EYS: variants seen among roughly 807,000 people sequenced by gnomAD.
EYS encodes protein eyes shut homolog.
EYS carries 250 observed loss-of-function variants against 282.1 expected under a neutral mutation model. That is an observed-to-expected ratio of 0.89 (90% CI 0.80 to 0.98). The LOEUF (loss-of-function observed/expected upper bound fraction) is 0.98, where lower values mean the gene tolerates loss of function less well. Ranked by LOEUF, EYS falls within the 50% of genes least tolerant of loss-of-function variation. EYS has a pLI of 0.00. For synonymous variants in EYS, 1,355 were observed against 1,282.9 expected, an observed-to-expected ratio of 1.06 and a Z score of -1.20; for missense variants, 4,016 against 3,709.0, an observed-to-expected ratio of 1.08 and a Z score of -2.15.
intron 1 of EYS, among the ~76,000 whole-genome samples, chr6:65,702,150 G>A (rs926114114): frequency 6.6e-6 from 1 of 152,152 alleles, no homozygotes; most frequent in Non-Finnish European, 1.5e-5. Flanking sequence ...GTGTTTTGGA[G>A]AGAATATTTC....
chr6:64,194,739 T>A (rs4519996), intron 31 of EYS, among the ~76,000 whole-genome samples: 1 of 152,064 alleles, frequency 6.6e-6, no homozygotes, highest in Non-Finnish European at 1.5e-5. Context: ...ATATATATAT[T>A]CAAAATATAT....
intron 33 of EYS, among the ~76,000 whole-genome samples, chr6:64,029,280 T>A (rs1224581244): frequency 1.3e-5 from 2 of 152,232 alleles, no homozygotes; most frequent in Non-Finnish European, 2.9e-5. Flanking sequence ...GCCAGTGGCA[T>A]ACCTAAGTAA....
chr6:64,717,487 T>A (rs1016197955), intron 22 of EYS, among the ~76,000 whole-genome samples: 17 of 152,126 alleles, frequency 1.1e-4, no homozygotes, highest in African/African-American at 4.1e-4. Context: ...CTGCTACTGA[T>A]CTGACAGAAG....
intron 29 of EYS, among the ~76,000 whole-genome samples, chr6:64,329,316 G>T (rs1356579003): frequency 3.9e-5 from 6 of 152,048 alleles, no homozygotes; most frequent in Admixed American, 2.6e-4. Context: ...AAATTGTCTG[G>T]TGCCCTTGTT....
chr6:64,062,744 GT>G (rs1460512422), intron 33 of EYS, among the ~76,000 whole-genome samples: 2 of 148,646 alleles, frequency 1.3e-5, no homozygotes, highest in African/African-American at 4.9e-5. Flanking sequence ...TTTTTCATCA[GT>G]TTTCTATGTA....
At chr6:64,206,833 T>A (rs1038550782) in intron 31 of EYS, among the ~76,000 whole-genome samples, 33 of 152,328 alleles carry the variant, frequency 2.2e-4, no homozygotes, top group Admixed American at 1.6e-3. Context: ...CATGTTAATT[T>A]TTTTTAAGTT....
At chr6:65,072,399 G>A (rs1372112014) in intron 12 of EYS, among the ~76,000 whole-genome samples, 1 of 151,756 alleles carries the variant, frequency 6.6e-6, no homozygotes, top group Non-Finnish European at 1.5e-5. Flanking sequence ...ACAGATTGCT[G>A]TGAATTGAAG....
chr6:64,578,577 C>T (rs1426453909), intron 26 of EYS, among the ~76,000 whole-genome samples: 1 of 150,812 alleles, frequency 6.6e-6, no homozygotes, highest in African/African-American at 2.4e-5. Flanking sequence ...TCTTTTATCA[C>T]ATTCTCTTTC....
At chr6:65,359,508 T>C (rs1239906519) in intron 8 of EYS, among the ~76,000 whole-genome samples, 1 of 152,010 alleles carries the variant, frequency 6.6e-6, no homozygotes, top group Non-Finnish European at 1.5e-5. Context: ...TGATTTCCAT[T>C]AGAAATCTTG....
chr6:64,587,517 T>C (rs1766270759), intron 26 of EYS, among the ~76,000 whole-genome samples: 1 of 152,114 alleles, frequency 6.6e-6, no homozygotes, highest in South Asian at 2.1e-4. Context: ...CCAGAGTTTT[T>C]ATAAAGATTA....
At chr6:64,395,670 T>G (rs1041396595) in intron 28 of EYS, among the ~76,000 whole-genome samples, 2 of 151,232 alleles carry the variant, frequency 1.3e-5, no homozygotes, top group African/African-American at 4.9e-5. Flanking sequence ...CATTGGCAGA[T>G]ATACCTAATG....
intron 2 of EYS, among the ~76,000 whole-genome samples, chr6:65,548,887 GT>G (rs1345084039): frequency 1.3e-5 from 2 of 152,272 alleles, no homozygotes; most frequent in East Asian, 3.9e-4. Flanking sequence ...TAGCACAGTG[GT>G]TCCCAACCTT....
chr6:64,243,487 T>A (rs9344916), intron 30 of EYS, among the ~76,000 whole-genome samples: 1 of 151,952 alleles, frequency 6.6e-6, no homozygotes, highest in African/African-American at 2.4e-5. Flanking sequence ...TGAGGTCCCC[T>A]TGGGTGTCAC....
chr6:64,798,704 G>A (rs1774441629), intron 22 of EYS, among the ~76,000 whole-genome samples: 1 of 149,394 alleles, frequency 6.7e-6, no homozygotes. Context: ...AAGTGGAGGA[G>A]ATCCTTAGTC....
intron 8 of EYS, among the ~76,000 whole-genome samples, chr6:65,382,361 G>A (rs1765646030): frequency 6.6e-6 from 1 of 150,860 alleles, no homozygotes; most frequent in African/African-American, 2.4e-5. Context: ...TGTGTGTTGT[G>A]ATAAGATGTT....
rs2130490 is a variant in EYS, at chr6:65,676,588, G to A, written c.-448+30547C>T. On this transcript the variant is annotated intron_variant, in intron 1 of 42. Coordinates refer to ENST00000503581, the MANE Select transcript of EYS (RefSeq NM_001142800.2). ...GCAAAAACCTCTCAACAGAAATAAA[G>A]TCTAGGACTAGATGGCTTAACTGGT... Among the ~76,000 whole-genome samples, 452 of 151,834 alleles carry A rather than the reference G, an allele frequency of 3.0e-3. 3 individuals are homozygous for A. Among genetic ancestry groups the A allele is most frequent in the African/African-American group, 0.01 (433 of 41,498 alleles).
intron 7 of EYS, among the ~76,000 whole-genome samples, chr6:65,394,335 A>G (rs1365101451): frequency 1.3e-5 from 2 of 152,102 alleles, no homozygotes; most frequent in African/African-American, 4.8e-5. Context: ...TCTACTCTAC[A>G]AAAGTGGGAA....
At position 64,859,816 on chromosome 6, in the gene EYS, T is replaced by C. The variant is rs1053082077; in HGVS notation, c.2992+26881A>G. 3.3e-5 allele frequency among the ~76,000 whole-genome samples: 5 copies of C among 152,218 alleles called. No individual in the cohort carries two copies. The East Asian group carries it at 9.6e-4, about 29-fold the overall frequency. ...TGAAAACAGACTAATACAAATGTTA[T>C]TGATAGAAATAATTAATATTGTGAA... is the stretch of plus-strand genomic sequence containing the variant. On this transcript the variant is annotated intron_variant, in intron 19 of 42. Transcript: ENST00000503581.
intron 2 of EYS, among the ~76,000 whole-genome samples, chr6:65,563,629 T>G (rs543302711): frequency 6.6e-6 from 1 of 152,226 alleles, no homozygotes. Context: ...TATGACATTG[T>G]ACACAGAGAA....
Sources: gnomAD v4.1 joint callset for allele counts (sites outside exome capture counted in the v4.1 genomes callset) on GRCh38, gnomAD v4.1.1 for gene constraint, MANE v1.5 for transcripts, NCBI Gene and HGNC (gene_info 2026-07-23, HGNC 2026-07-21) for gene names.